Variants in TEX10 observed in about 807,000 individuals in gnomAD.
TEX10 encodes the protein testis expressed 10, also known as testis-expressed protein 10.
TEX10 carries 24 observed loss-of-function variants against 104.4 expected under a neutral mutation model. The observed-to-expected ratio is 0.23, with a 90% CI of 0.17 to 0.32. The LOEUF is 0.32. Among genes scored for constraint, TEX10 ranks in the 10% least tolerant of loss-of-function variants. The pLI, the probability that TEX10 is intolerant of heterozygous loss-of-function variation, is 1.00. For synonymous variants in TEX10, 396 were observed against 393.4 expected (o/e 1.01, Z -0.08); for missense variants, 921 against 1,083.9 (o/e 0.85, Z 2.11).
rs145175856 is a variant in TEX10 at position 100,312,029 on chromosome 9, G to C, written c.2203-1650C>G. On this transcript the variant is annotated intron_variant, in intron 11 of 14. Transcript: ENST00000374902. ...ACATTATTTCTCTGTAAAATATCTTGTAGATATTACCCAGATATTTTACTT... is the reference window on the plus strand; with the variant it reads ...ACATTATTTCTCTGTAAAATATCTTCTAGATATTACCCAGATATTTTACTT... Among the ~76,000 whole-genome samples, 642 of 152,166 alleles carry C rather than the reference G, an allele frequency of 4.2e-3. 4 individuals are homozygous for C. Among genetic ancestry groups the C allele is most frequent in the African/African-American group, 0.015 (617 of 41,506 alleles).
intron 8 of TEX10, among the ~76,000 whole-genome samples, chr9:100,327,339 A>T (rs1834732197): frequency 6.6e-6 from 1 of 152,138 alleles, no homozygotes; most frequent in South Asian, 2.1e-4. Flanking sequence ...TATGTGAATT[A>T]TATTTCAATA....
intron 13 of TEX10, chr9:100,304,597 A>T (rs185038403): frequency 5.1e-4 from 77 of 152,356 alleles, no homozygotes; most frequent in African/African-American, 1.8e-3. Context: ...GCGGTGGCTC[A>T]CGCCTGTAAT....
Position 100,303,668 on chromosome 9 carries a change from A to G in TEX10, c.2640T>C (p.Asn880=). Residue 880 remains asparagine (N), a synonymous_variant, in exon 14 of 15, where the codon AAT becomes AAC. Coordinates refer to ENST00000374902, the MANE Select transcript of TEX10 (RefSeq NM_017746.4). Reference sequence around the variant, plus strand: ...TGATGATCTGCTGCACCAAGATCGCATTGGTCAACATATGAGTCCTGAGGG... The same window carrying G: ...TGATGATCTGCTGCACCAAGATCGCGTTGGTCAACATATGAGTCCTGAGGG... The part of the protein sequence containing the change: ...HAPLRTHMLT[N]AILVQQIIKN... 1.2e-6 allele frequency: 2 copies of G among 1,614,058 alleles called. No homozygotes were observed. The highest frequency in any genetic ancestry group is 1.7e-6 in the Non-Finnish European group (2 of 1,180,006).
At position 100,337,960 on chromosome 9, in the gene TEX10, G is replaced by C. The variant is rs558801237; in HGVS notation, c.1250+2297C>G. Among the ~76,000 whole-genome samples the C allele has an allele frequency of 7.9e-5, 12 of 152,230 alleles. No homozygotes were observed. In the East Asian group the frequency reaches 1.9e-3, roughly 24 times the overall value. ...TCTAATGATACTTTTATACTGCTTTGTGTTACATATGTAAATATACACATG... is the reference window on the plus strand; with the variant it reads ...TCTAATGATACTTTTATACTGCTTTCTGTTACATATGTAAATATACACATG... On this transcript the variant is annotated intron_variant, in intron 5 of 14. Coordinates refer to ENST00000374902, the MANE Select transcript of TEX10 (RefSeq NM_017746.4).
At chr9:100,305,942 A>G (rs544560697) in intron 13 of TEX10, 1 of 152,334 alleles carries the variant, frequency 6.6e-6, no homozygotes, top group East Asian at 1.9e-4. Flanking sequence ...CCCAAAATAT[A>G]CAAGTCTGTT....
At chr9:100,336,290 C>T (rs1326378126) in intron 5 of TEX10, among the ~76,000 whole-genome samples, 1 of 152,200 alleles carries the variant, frequency 6.6e-6, no homozygotes, top group Non-Finnish European at 1.5e-5. Flanking sequence ...TGGCACCAGT[C>T]CGCGGCCTGT....
intron 5 of TEX10, among the ~76,000 whole-genome samples, chr9:100,333,636 T>TAAAAAAAAAAAAAAAAAAAACAAAAA (rs1834931353): frequency 9.1e-6 from 1 of 109,764 alleles, no homozygotes; most frequent in Non-Finnish European, 2.0e-5. Context: ...GACCCCATCA[T>TAAAAAAAAAAAAAAAAAAAACAAAAA]AAAAAAAAAA....
At position 100,346,690 on chromosome 9, in the gene TEX10, T is replaced by G; in HGVS notation, c.893+4A>C. On this transcript the variant is annotated splice_donor_region_variant and intron_variant, in intron 3 of 14. Coordinates refer to ENST00000374902, the MANE Select transcript of TEX10 (RefSeq NM_017746.4). Reference sequence around the variant, plus strand: ...TGTGTGGACATAACTGAAATCCTTCTTACCGTAGCCTGAACTGTGAACTGA... The same window carrying G: ...TGTGTGGACATAACTGAAATCCTTCGTACCGTAGCCTGAACTGTGAACTGA... The G allele has an allele frequency of 6.2e-7, 1 of 1,601,466 alleles. No homozygotes were observed. Among genetic ancestry groups the G allele is most frequent in the Non-Finnish European group, 8.5e-7 (1 of 1,173,868 alleles).
intron 9 of TEX10, among the ~76,000 whole-genome samples, chr9:100,322,012 T>C (rs1484719591): frequency 6.6e-6 from 1 of 152,176 alleles, no homozygotes; most frequent in African/African-American, 2.4e-5. Flanking sequence ...TTGATCAACA[T>C]ATATAGTACA....
chr9:100,309,241 G>A (rs960878377), intron 12 of TEX10, among the ~76,000 whole-genome samples: 2 of 152,078 alleles, frequency 1.3e-5, no homozygotes, highest in Non-Finnish European at 2.9e-5. Flanking sequence ...TCACTGCCAG[G>A]AAACCCAGGA....
At chr9:100,344,956 G>T (rs1328522971) in intron 4 of TEX10, among the ~76,000 whole-genome samples, 1 of 152,058 alleles carries the variant, frequency 6.6e-6, no homozygotes, top group Non-Finnish European at 1.5e-5. Context: ...TTTTCTATCT[G>T]AACCTTTCAG....
intron 5 of TEX10, among the ~76,000 whole-genome samples, chr9:100,337,778 T>C (rs184163543): frequency 3.3e-4 from 50 of 152,300 alleles, no homozygotes; most frequent in African/African-American, 1.2e-3. Flanking sequence ...TCTCCTCTAG[T>C]TACAAAAGTC....
intron 5 of TEX10, among the ~76,000 whole-genome samples, chr9:100,331,303 G>A (rs1025049037): frequency 1.3e-4 from 20 of 152,096 alleles, no homozygotes; most frequent in African/African-American, 4.6e-4. Context: ...CAGGCATGCT[G>A]GCAAGTGCCT....
In TEX10 at chr9:100,327,966, A is replaced by G. The variant is rs201182027; in HGVS notation, c.1626-4T>C. ...GGATAACACTTTACTACGATATCTT[A>G]GAAAGGCCAAAGAAGAATAAAATGT... On this transcript the variant is annotated splice_polypyrimidine_tract_variant and splice_region_variant and intron_variant, in intron 7 of 14. Transcript: ENST00000374902. 2,019 of 1,540,808 alleles carry G rather than the reference A, an allele frequency of 1.3e-3. 7 individuals carry two copies. The highest frequency in any genetic ancestry group is 1.7e-3 in the Non-Finnish European group (1,873 of 1,132,014).
chr9:100,340,226 A>G, intron 5 of TEX10, 31 bp downstream of exon 5: 1 of 1,367,836 alleles, frequency 7.3e-7, no homozygotes, highest in South Asian at 1.5e-5. Context: ...ACAGCTTTTC[A>G]AGGTTATACA....
chr9:100,329,553 T>C (rs1208746991), intron 6 of TEX10, among the ~76,000 whole-genome samples: 2 of 152,166 alleles, frequency 1.3e-5, no homozygotes, highest in African/African-American at 4.8e-5. Flanking sequence ...AGGAAAACTT[T>C]GTTTTAAAAT....
rs778677905 is a variant in TEX10, at chr9:100,346,176, C to T, written c.1033G>A (p.Gly345Arg). The change falls in exon 4 of 15, where the codon GGG becomes AGG. Residue 345 changes from glycine (G) to arginine (R), a missense_variant. By Grantham distance (125) the Gly-to-Arg change is moderately radical (BLOSUM62 -2). Transcript: ENST00000374902. ...AGAGGTTCTCGTTCTATACCATTCC[C>T]AACAGGAGTAGCTAGTTGTGGAGGT... The part of the protein sequence containing the change: ...AVPPQLATPV[G>R]NGIEREPLQV... 6.2e-7 allele frequency: 1 copy of T among 1,613,980 alleles called. No homozygotes were observed. Among genetic ancestry groups the T allele is most frequent in the South Asian group, 1.1e-5 (1 of 91,076 alleles).
intron 13 of TEX10, 165 bp from the exon 14 acceptor site, chr9:100,304,007 A>G: frequency 1.5e-6 from 1 of 651,118 alleles, no homozygotes; most frequent in Non-Finnish European, 2.7e-6. Context: ...ATAGCCACAC[A>G]CACACACTAA....
chr9:100,345,206 A>G (rs1835272715), intron 4 of TEX10, among the ~76,000 whole-genome samples: 1 of 152,214 alleles, frequency 6.6e-6, no homozygotes, highest in African/African-American at 2.4e-5. Flanking sequence ...GCAATTGACA[A>G]AACATTCCTA....
Sources: gnomAD v4.1 joint callset for allele counts (sites outside exome capture counted in the v4.1 genomes callset) on GRCh38, gnomAD v4.1.1 for gene constraint, MANE v1.5 for transcripts, NCBI Gene and HGNC (gene_info 2026-07-23, HGNC 2026-07-21) for gene names.